Variants in ADCY10 observed in about 807,000 individuals in gnomAD.
ADCY10 encodes adenylate cyclase 10, also known as adenylate cyclase type 10.
Under a neutral mutation model 183.3 loss-of-function variants are expected in ADCY10, and 156 were observed. The ratio of observed to expected loss-of-function variants is 0.85; its 90% confidence interval spans 0.75 to 0.97. The LOEUF (loss-of-function observed/expected upper bound fraction) is 0.97, where lower values mean the gene tolerates loss of function less well. ADCY10 is among the 50% of genes least tolerant of loss of function. The pLI, the probability that ADCY10 is intolerant of heterozygous loss-of-function variation, is 0.00. For missense variants in ADCY10, 1,745 were observed against 1,934.3 expected (o/e 0.90, Z 1.84); for synonymous variants, 645 against 670.0 (o/e 0.96, Z 0.58).
At chr1:167,870,823 A>G (rs898581853) in intron 13 of ADCY10, among the ~76,000 whole-genome samples, 4 of 151,066 alleles carry the variant, frequency 2.6e-5, no homozygotes, top group Non-Finnish European at 5.9e-5. Context: ...AAAAAAAAAA[A>G]CTTGGAATTT....
intron 18 of ADCY10, among the ~76,000 whole-genome samples, chr1:167,851,935 C>T (rs574471111): frequency 1.1e-4 from 16 of 152,118 alleles, no homozygotes; most frequent in African/African-American, 3.6e-4. Flanking sequence ...GTATAGGATC[C>T]AGTCCAGGAT....
intron 25 of ADCY10, among the ~76,000 whole-genome samples, chr1:167,832,522 GA>G (rs1435258395): frequency 6.6e-6 from 1 of 152,130 alleles, no homozygotes; most frequent in Non-Finnish European, 1.5e-5. Context: ...TCCCTATTGA[GA>G]TTCCTAGATG....
chr1:167,911,247 C>T (rs1670130339), intron 1 of ADCY10, among the ~76,000 whole-genome samples: 1 of 152,188 alleles, frequency 6.6e-6, no homozygotes, highest in Non-Finnish European at 1.5e-5. Context: ...CAAAGACTTT[C>T]CTCCCCGTCT....
At chr1:167,858,897 G>A (rs533329996) in intron 16 of ADCY10, among the ~76,000 whole-genome samples, 14 of 147,714 alleles carry the variant, frequency 9.5e-5, no homozygotes, top group African/African-American at 3.4e-4. Context: ...AAATAGTCCA[G>A]GAAAAAATGA....
chr1:167,898,653 G>A (rs1423567662), intron 6 of ADCY10, among the ~76,000 whole-genome samples: 1 of 151,988 alleles, frequency 6.6e-6, no homozygotes, highest in African/African-American at 2.4e-5. Flanking sequence ...ATTGCTATAA[G>A]CCAGCTAGGC....
Position 167,823,032 on chromosome 1 carries a change from A to G in ADCY10, c.4144T>C (p.Cys1382Arg), listed in dbSNP as rs1663013067. ...CCAGAATAAAGCAGGATGTCCAAGC[A>G]GACAAAATAGAAAAATGCCTTGCTG... Reference protein sequence around the residue: ...IFSKAFFYFVCLDILLYSGFV... With the variant: ...IFSKAFFYFVRLDILLYSGFV... The change falls in exon 29 of 33, where the codon TGC (cysteine) becomes CGC (arginine). Residue 1382 changes from cysteine (C) to arginine (R), a missense_variant. Cys to Arg is a radical substitution (Grantham distance 180). Coordinates refer to ENST00000367851, the MANE Select transcript of ADCY10 (RefSeq NM_018417.6). 6.2e-7 allele frequency: 1 copy of G among 1,614,184 alleles called. No individual in the cohort carries two copies.
rs1670156230 is a variant in ADCY10 at position 167,911,624 on chromosome 1, G to C, written c.-59+2352C>G. Among the ~76,000 whole-genome samples the C allele has an allele frequency of 2.0e-5, 3 of 152,218 alleles. No individual in the cohort carries two copies. The South Asian group carries it at 6.2e-4, about 31-fold the overall frequency. On this transcript the variant is annotated intron_variant, in intron 1 of 32. Transcript: ENST00000367851. Reference sequence around the variant, plus strand: ...AATGGGCAGTAGGGTGAACGTGTCAGGTTATAAATGACCCCGTCTCCTTTG... The same window carrying C: ...AATGGGCAGTAGGGTGAACGTGTCACGTTATAAATGACCCCGTCTCCTTTG...
intron 15 of ADCY10, 123 bp from the exon 16 acceptor site, chr1:167,860,016 G>T: frequency 1.3e-6 from 1 of 786,420 alleles, no homozygotes; most frequent in Non-Finnish European, 2.2e-6. Context: ...TTAGATAAGT[G>T]GTCCCAACCT....
rs565214410 is a variant in ADCY10, at chr1:167,907,668, C to G, written c.-58-2470G>C. The stretch of plus-strand genomic sequence containing the variant: ...CAGCCTCAATGGTTATTTAGATTAG[C>G]AAGAGGTGATTAAAAGGAGTCAAAT... On this transcript the variant is annotated intron_variant, in intron 1 of 32. Transcript: ENST00000367851. 7.9e-5 allele frequency among the ~76,000 whole-genome samples: 12 copies of G among 152,224 alleles called. No individual in the cohort carries two copies. In the South Asian group the frequency reaches 2.5e-3, roughly 32 times the overall value.
At chr1:167,860,138 A>G (rs1558197999) in intron 15 of ADCY10, among the ~76,000 whole-genome samples, 1 of 152,152 alleles carries the variant, frequency 6.6e-6, no homozygotes, top group Non-Finnish European at 1.5e-5. Flanking sequence ...CTTTGCTTCT[A>G]TTATTACATT....
intron 6 of ADCY10, among the ~76,000 whole-genome samples, chr1:167,898,679 T>C (rs1162908666): frequency 9.9e-5 from 15 of 152,056 alleles, no homozygotes. Flanking sequence ...AGGCTGGATA[T>C]GTCTTGCTGG....
intron 6 of ADCY10, among the ~76,000 whole-genome samples, chr1:167,897,435 T>C (rs995958273): frequency 1.3e-5 from 2 of 149,940 alleles, no homozygotes; most frequent in African/African-American, 4.9e-5. Flanking sequence ...AGTTAGAGGT[T>C]GAAGTGAGCT....
At position 167,833,090 on chromosome 1, in the gene ADCY10, T is replaced by C. The variant is rs202020230; in HGVS notation, c.3490A>G (p.Ile1164Val). 2.0e-5 allele frequency: 32 copies of C among 1,614,130 alleles called. No homozygotes were observed. The East Asian group carries it at 6.9e-4, about 35-fold the overall frequency. The change falls in exon 25 of 33, where the codon ATC becomes GTC. Residue 1164 changes from isoleucine to valine, a missense_variant. Physicochemically the swap from Ile to Val is conservative, Grantham distance 29. Coordinates refer to ENST00000367851, the MANE Select transcript of ADCY10 (RefSeq NM_018417.6). ...LRKALKLLNR[I>V]FPYNLISLFL... Reference sequence around the variant, plus strand: ...AAGGAGATTAAGTTGTAAGGAAAGATTCGGTTGAGGAGCTTCAGTGCCTTC... The same window carrying C: ...AAGGAGATTAAGTTGTAAGGAAAGACTCGGTTGAGGAGCTTCAGTGCCTTC...
Position 167,845,832 on chromosome 1 carries a change from A to G in ADCY10, c.2738T>C (p.Leu913Pro). 6.2e-7 allele frequency: 1 copy of G among 1,614,156 alleles called. No homozygotes were observed. Among genetic ancestry groups the G allele is most frequent in the Non-Finnish European group, 8.5e-7 (1 of 1,180,030 alleles). Residue 913 changes from leucine to proline, a missense_variant, in exon 21 of 33, where the codon CTT (leucine) becomes CCT (proline). Coordinates refer to ENST00000367851, the MANE Select transcript of ADCY10 (RefSeq NM_018417.6). The stretch of plus-strand genomic sequence containing the variant: ...GATCACCTCATTCTCCAGTTCACGA[A>G]GCTGTTCCTCTTCACCGTGATCTGG... ...EGMDHGEEEQ[L>P]RELENEVIEC...
chr1:167,834,523 T>G, intron 23 of ADCY10: 1 of 250,620 alleles, frequency 4.0e-6, no homozygotes, highest in Middle Eastern at 4.3e-4. Context: ...CCACTTCCTT[T>G]GCCAGGGTCA....
chr1:167,861,129 G>C, intron 14 of ADCY10, 66 bp from the exon 15 acceptor site: 1 of 1,348,896 alleles, frequency 7.4e-7, no homozygotes, highest in Non-Finnish European at 1.0e-6. Flanking sequence ...AATAATAGAG[G>C]TTGAAGGAAA....
chr1:167,866,972 T>TC (rs990845397), intron 14 of ADCY10, among the ~76,000 whole-genome samples: 1 of 151,676 alleles, frequency 6.6e-6, no homozygotes, highest in African/African-American at 2.4e-5. Context: ...AAACATAAAG[T>TC]CCCCCCCATG....
intron 16 of ADCY10, 110 bp downstream of exon 16, chr1:167,859,697 A>G (rs1331276161): frequency 3.6e-6 from 3 of 836,310 alleles, no homozygotes; most frequent in Admixed American, 1.7e-5. Context: ...AAGCCTTCAC[A>G]TCCTTCAAAA....
rs1662653345 is a variant in ADCY10 at position 167,818,262 on chromosome 1, G to A, written c.4292C>T (p.Ala1431Val). 4 of 1,613,594 alleles carry A rather than the reference G, an allele frequency of 2.5e-6. No individual in the cohort carries two copies. The highest frequency in any genetic ancestry group is 2.5e-6 in the Non-Finnish European group (3 of 1,179,626). Reference protein sequence around the residue: ...GLYSSVAIWYARLQEWDNFYK... With the variant: ...GLYSSVAIWYVRLQEWDNFYK... ...AAAGTTGTCCCATTCCTGAAGTCTG[G>A]CATACCTGCATTACCACAAGAGAAT... Residue 1431 changes from alanine (A) to valine (V), a missense_variant, in exon 31 of 33, where the codon GCC (alanine) becomes GTC (valine). By Grantham distance (64) the Ala-to-Val change is moderately conservative (BLOSUM62 0). Transcript: ENST00000367851.
Sources: gnomAD v4.1 joint callset for allele counts (sites outside exome capture counted in the v4.1 genomes callset) on GRCh38, gnomAD v4.1.1 for gene constraint, MANE v1.5 for transcripts, NCBI Gene and HGNC (gene_info 2026-07-23, HGNC 2026-07-21) for gene names.